Variants in TUBGCP5 observed in about 807,000 individuals in gnomAD.
The protein encoded by TUBGCP5 is tubulin gamma complex component 5.
A neutral mutation model predicts 134.7 loss-of-function variants in TUBGCP5; 98 were observed. The observed-to-expected ratio is 0.73, with a 90% CI of 0.62 to 0.86. The LOEUF (loss-of-function observed/expected upper bound fraction) is 0.86. TUBGCP5 is among the 40% of genes least tolerant of loss of function. The pLI is 0.00. For synonymous variants in TUBGCP5, 456 were observed against 431.4 expected, an observed-to-expected ratio of 1.06 and a Z score of -0.71; for missense variants, 1,150 against 1,244.8, an observed-to-expected ratio of 0.92 and a Z score of 1.15.
rs75834787 is a variant in TUBGCP5, at chr15:22,984,674, G to A, written c.*62-1063C>T. Among the ~76,000 whole-genome samples, 956 of 152,052 alleles carry A rather than the reference G, an allele frequency of 6.3e-3. 29 individuals are homozygous for A. In the South Asian group the frequency reaches 0.08, roughly 13 times the overall value. ...AATGGTGCTAGAATAACTGCATAAC[G>A]ATGTACAAAAACTGAAACTCAACTT... On this transcript the variant is annotated intron_variant and NMD_transcript_variant, in intron 23 of 23. Transcript: ENST00000614508.
At chr15:23,036,596 T>C (rs778297843) in intron 3 of TUBGCP5, among the ~76,000 whole-genome samples, 4 of 152,110 alleles carry the variant, frequency 2.6e-5, no homozygotes, top group Non-Finnish European at 5.9e-5. Flanking sequence ...CACTGCCAAG[T>C]GCTGAGAAAC....
In TUBGCP5 at chr15:23,021,969, G is replaced by A. The variant is rs1296405651; in HGVS notation, c.1361C>T (p.Ser454Phe). ...ILEYDNVGEA[S>F]EQTVSLLFSL... ...AGAAGTCTCACTTACGGTTTGCTCA[G>A]AGGCTTCTCCAACATTGTCATATTC... is the stretch of plus-strand genomic sequence containing the variant. Residue 454 changes from serine to phenylalanine, a missense_variant, in exon 11 of 23, where the codon TCT becomes TTT. Ser to Phe is a radical substitution (Grantham distance 155). Coordinates refer to ENST00000615383, the MANE Select transcript of TUBGCP5 (RefSeq NM_052903.6). The A allele has an allele frequency of 1.2e-6, 2 of 1,614,172 alleles. No individual in the cohort carries two copies. The highest frequency in any genetic ancestry group is 1.7e-6 in the Non-Finnish European group (2 of 1,180,010).
At chr15:23,020,166 T>C (rs1384735844) in intron 11 of TUBGCP5, among the ~76,000 whole-genome samples, 2 of 151,700 alleles carry the variant, frequency 1.3e-5, no homozygotes, top group African/African-American at 4.9e-5. Flanking sequence ...CCCAGCACTT[T>C]GGAAGGCCGA....
intron 3 of TUBGCP5, among the ~76,000 whole-genome samples, 185 bp from the exon 4 acceptor site, chr15:23,033,009 G>A (rs1036291842): frequency 1.3e-5 from 2 of 151,988 alleles, no homozygotes; most frequent in African/African-American, 4.8e-5. Context: ...TACACATAAG[G>A]AACCTCAAAG....
intron 3 of TUBGCP5, among the ~76,000 whole-genome samples, chr15:23,033,184 T>A (rs927896697): frequency 6.6e-6 from 1 of 152,214 alleles, no homozygotes; most frequent in Non-Finnish European, 1.5e-5. Context: ...CCTGATAGTT[T>A]AACTAAGATG....
intron 16 of TUBGCP5, among the ~76,000 whole-genome samples, chr15:23,007,335 A>G (rs1357352675): frequency 6.6e-6 from 1 of 152,148 alleles, no homozygotes; most frequent in Non-Finnish European, 1.5e-5. Context: ...GCTTGCAGTG[A>G]GTCGAGATTG....
intron 13 of TUBGCP5, among the ~76,000 whole-genome samples, chr15:23,016,780 C>T (rs2065345645): frequency 6.6e-6 from 1 of 151,310 alleles, no homozygotes; most frequent in South Asian, 2.1e-4. Context: ...GGCGGTTCCT[C>T]AAAAAACTAC....
chr15:23,001,658 T>TC (rs1490972486), intron 21 of TUBGCP5, among the ~76,000 whole-genome samples: 1 of 151,952 alleles, frequency 6.6e-6, no homozygotes, highest in East Asian at 1.9e-4. Context: ...TCTTTCTTTT[T>TC]TTTTTTTTTA....
At chr15:23,003,266 C>T (rs1385842606) in intron 20 of TUBGCP5, 113 bp from the exon 21 acceptor site, 2 of 953,692 alleles carry the variant, frequency 2.1e-6, no homozygotes, top group Non-Finnish European at 1.6e-6. Flanking sequence ...ACAGTGACTG[C>T]CTTCTGTGTA....
At chr15:23,005,685 G>T in intron 18 of TUBGCP5, 75 bp from the exon 19 acceptor site, 1 of 1,456,874 alleles carries the variant, frequency 6.9e-7, no homozygotes. Flanking sequence ...ACGCCTGGCA[G>T]AAACACTGAC....
At chr15:23,009,898 A>G (rs749200489) in intron 15 of TUBGCP5, 47 bp downstream of exon 15, 7 of 1,547,244 alleles carry the variant, frequency 4.5e-6, no homozygotes, top group African/African-American at 4.1e-5. Flanking sequence ...CTGTTCTTCA[A>G]GTACAATCAA....
Position 23,013,169 on chromosome 15 carries a change from G to A in TUBGCP5, c.1757-1838C>T, listed in dbSNP as rs2065131952. Among the ~76,000 whole-genome samples, 1 of 152,002 alleles carries A rather than the reference G, an allele frequency of 6.6e-6. No individual in the cohort carries two copies. The highest frequency in any genetic ancestry group is 1.5e-5 in the Non-Finnish European group (1 of 67,996). ...CGAATCAACAGTTAAGATCCGACTG[G>A]AGGCTGGGGGTGGTGACTCACACCT... On this transcript the variant is annotated intron_variant, in intron 13 of 22. Transcript: ENST00000615383. This position sits in a 1 kb window ranked among gnomAD's most constrained non-coding sequence, Gnocchi z 4.5.
At chr15:23,017,201 T>C (rs185327383) in intron 13 of TUBGCP5, among the ~76,000 whole-genome samples, 26 of 152,050 alleles carry the variant, frequency 1.7e-4, no homozygotes, top group Admixed American at 1.5e-3. Flanking sequence ...AAGAGGAAGA[T>C]ATTTGTTAAA....
chr15:23,030,601 T>TAAAAAAAA (rs10632423), intron 6 of TUBGCP5, among the ~76,000 whole-genome samples: 4 of 119,542 alleles, frequency 3.3e-5, no homozygotes, highest in Non-Finnish European at 5.3e-5. Context: ...CTTCTCCAAT[T>TAAAAAAAA]AAAAAAAAAA....
At chr15:23,001,749 T>C (rs1325613405) in intron 21 of TUBGCP5, among the ~76,000 whole-genome samples, 2 of 151,844 alleles carry the variant, frequency 1.3e-5, no homozygotes, top group African/African-American at 4.8e-5. Flanking sequence ...AGGTGCCACA[T>C]GCCAAGCTTA....
intron 5 of TUBGCP5, among the ~76,000 whole-genome samples, chr15:23,031,316 CTTCT>C (rs1349034747): frequency 6.6e-6 from 1 of 151,448 alleles, no homozygotes; most frequent in Admixed American, 6.6e-5. Flanking sequence ...CCCCTTTTAA[CTTCT>C]TTTTTTTTTT....
intron 6 of TUBGCP5, among the ~76,000 whole-genome samples, chr15:23,028,601 C>CTTTTT: frequency 6.6e-6 from 1 of 151,800 alleles, no homozygotes; most frequent in Admixed American, 6.6e-5. Context: ...TAATTAAAGA[C>CTTTTT]TTCTAGAAAA....
At chr15:23,032,604 A>G (rs2066375900) in intron 4 of TUBGCP5, 124 bp downstream of exon 4, 1 of 624,840 alleles carries the variant, frequency 1.6e-6, no homozygotes, top group African/African-American at 1.9e-5. Flanking sequence ...ATAGCATCTA[A>G]AGCAATAGAA....
At chr15:23,030,799 A>G in intron 6 of TUBGCP5, 86 bp downstream of exon 6, 4 of 1,516,476 alleles carry the variant, frequency 2.6e-6, no homozygotes, top group Non-Finnish European at 1.8e-6. Flanking sequence ...CAATACCTTG[A>G]TTACATGGAA....
Sources: gnomAD v4.1 joint callset for allele counts (sites outside exome capture counted in the v4.1 genomes callset) on GRCh38, gnomAD v4.1.1 for gene constraint, Gnocchi (gnomAD v3.1) non-coding constraint, MANE v1.5 for transcripts, NCBI Gene and HGNC (gene_info 2026-07-23, HGNC 2026-07-21) for gene names.